The following PLEKHA6 variants were observed in gnomAD, a reference collection of about 807,000 sequenced individuals.
PLEKHA6 encodes pleckstrin homology domain-containing family A member 6.
A neutral mutation model predicts 116.7 loss-of-function variants in PLEKHA6; 60 were observed. The observed-to-expected ratio is 0.51, with a 90% confidence interval of 0.42 to 0.64. PLEKHA6 has a LOEUF of 0.64. PLEKHA6 is among the 30% of genes least tolerant of loss of function. The pLI, the probability that PLEKHA6 is intolerant of heterozygous loss-of-function variation, is 0.00. For synonymous variants in PLEKHA6, 489 were observed against 556.1 expected (o/e 0.88, Z 1.70); for missense variants, 1,338 against 1,422.7 (o/e 0.94, Z 0.96).
At chr1:204,329,547 A>G (rs1672372754) in intron 1 of PLEKHA6, among the ~76,000 whole-genome samples, 2 of 152,254 alleles carry the variant, frequency 1.3e-5, no homozygotes, top group African/African-American at 4.8e-5. Flanking sequence ...CACACAAAAA[A>G]AGAGACAACC....
intron 1 of PLEKHA6, among the ~76,000 whole-genome samples, chr1:204,358,388 C>T (rs1289001892): frequency 2.0e-5 from 3 of 152,196 alleles, no homozygotes; most frequent in African/African-American, 7.2e-5. Flanking sequence ...AGCTAAAATG[C>T]AGCTGCTCGG....
intron 1 of PLEKHA6, among the ~76,000 whole-genome samples, chr1:204,292,081 T>C (rs112317996): frequency 0.014 from 2,057 of 152,316 alleles, 52 homozygotes; most frequent in African/African-American, 0.048. Context: ...CAGGCAGAGA[T>C]GAACATGTGT....
chr1:204,239,800 T>C (rs1662548513), intron 17 of PLEKHA6, among the ~76,000 whole-genome samples: 1 of 152,148 alleles, frequency 6.6e-6, no homozygotes, highest in African/African-American at 2.4e-5. Context: ...GCATCCAATA[T>C]ATGGTACTTT....
At chr1:204,359,134 A>C (rs1673497190) in intron 1 of PLEKHA6, among the ~76,000 whole-genome samples, 1 of 151,822 alleles carries the variant, frequency 6.6e-6, no homozygotes, top group Non-Finnish European at 1.5e-5. Flanking sequence ...CTCCCCACTA[A>C]ATCTGAGACC....
At chr1:204,248,235 G>A (rs775016117) in intron 12 of PLEKHA6, among the ~76,000 whole-genome samples, 5 of 139,546 alleles carry the variant, frequency 3.6e-5, no homozygotes, top group East Asian at 4.5e-4. Context: ...CTCGGCTCAC[G>A]GCAACCTCCG....
At chr1:204,330,490 TA>T (rs1017315800) in intron 1 of PLEKHA6, among the ~76,000 whole-genome samples, 16 of 152,192 alleles carry the variant, frequency 1.1e-4, no homozygotes, top group Non-Finnish European at 1.5e-4. Flanking sequence ...GATTCTCTAA[TA>T]AAAAGCTTTA....
At chr1:204,280,990 A>T in intron 1 of PLEKHA6, 1 of 984,612 alleles carries the variant, frequency 1.0e-6, no homozygotes, top group Non-Finnish European at 1.2e-6. Flanking sequence ...CCCTGGCAGC[A>T]CTTCTAGGTA....
At position 204,249,369 on chromosome 1, in the gene PLEKHA6, C is replaced by T. The variant is rs187724569; in HGVS notation, c.1594-105G>A. The T allele has an allele frequency of 3.1e-4, 256 of 817,220 alleles. No individual in the cohort carries two copies. In the African/African-American group the frequency reaches 3.8e-3, roughly 12 times the overall value. The allele number at this position is 817,220 out of a possible 1,614,324, so 50.6% of individuals were successfully genotyped here. ...AGGCCTGGCCTCTGGATACCCCCCTCCTTTCTCCTGCTGAGGAACCCTGGG... is the reference window on the plus strand; with the variant it reads ...AGGCCTGGCCTCTGGATACCCCCCTTCTTTCTCCTGCTGAGGAACCCTGGG... On this transcript the variant is annotated intron_variant, in intron 10 of 22. Coordinates refer to ENST00000272203, the MANE Select transcript of PLEKHA6 (RefSeq NM_014935.5).
chr1:204,227,644 C>T (rs1289489099), intron 21 of PLEKHA6, among the ~76,000 whole-genome samples: 2 of 152,180 alleles, frequency 1.3e-5, no homozygotes, highest in African/African-American at 4.8e-5. Context: ...CTTTTCTTGG[C>T]TTCTTCCTAT....
chr1:204,243,756 T>A (rs1663194721), intron 15 of PLEKHA6, among the ~76,000 whole-genome samples: 1 of 152,232 alleles, frequency 6.6e-6, no homozygotes, highest in South Asian at 2.1e-4. Context: ...CATAGGATGC[T>A]GGGCTCCCTG....
At chr1:204,241,233 C>A in intron 17 of PLEKHA6, 142 bp downstream of exon 17, 2 of 611,428 alleles carry the variant, frequency 3.3e-6, no homozygotes, top group Admixed American at 5.6e-5. Flanking sequence ...TCCAGTGGGG[C>A]TCTTGCCCCT....
In PLEKHA6 at chr1:204,223,219, C is replaced by A. The variant is rs1048116241; in HGVS notation, c.*8+243G>T. Among the ~76,000 whole-genome samples the A allele has an allele frequency of 4.6e-5, 7 of 152,102 alleles. No homozygotes were observed. Among genetic ancestry groups the A allele is most frequent in the Admixed American group, 2.0e-4 (3 of 15,272 alleles). On this transcript the variant is annotated intron_variant, in intron 22 of 22. Coordinates refer to ENST00000272203, the MANE Select transcript of PLEKHA6 (RefSeq NM_014935.5). This position sits in a 1 kb window ranked among gnomAD's most constrained non-coding sequence, Gnocchi z 4.8. ...CATTCCCTGCCTGCTTCTGGAGAAGCAAAGGCCATTGGCATCACAACATCC... is the reference window on the plus strand; with the variant it reads ...CATTCCCTGCCTGCTTCTGGAGAAGAAAAGGCCATTGGCATCACAACATCC...
intron 1 of PLEKHA6, among the ~76,000 whole-genome samples, chr1:204,341,382 A>AC (rs748150118): frequency 7.1e-4 from 108 of 152,176 alleles, no homozygotes; most frequent in Non-Finnish European, 1.1e-3. Context: ...TCTTTAAAGC[A>AC]CCCCCCAGAG....
rs906291341 is a variant in PLEKHA6 at position 204,346,368 on chromosome 1, C to A, written c.-95+13326G>T. Among the ~76,000 whole-genome samples the A allele has an allele frequency of 2.0e-5, 3 of 151,736 alleles. No homozygotes were observed. The South Asian group carries it at 6.3e-4, about 32-fold the overall frequency. ...CTCACTCTCACCCCCCTAGAGGAGG[C>A]AGCATCTACCACCTGCCTCTTCCAG... On this transcript the variant is annotated intron_variant, in intron 1 of 22. Coordinates refer to ENST00000272203, the MANE Select transcript of PLEKHA6 (RefSeq NM_014935.5).
intron 1 of PLEKHA6, among the ~76,000 whole-genome samples, chr1:204,283,434 G>A (rs942544994): frequency 3.9e-5 from 6 of 152,196 alleles, no homozygotes; most frequent in African/African-American, 1.2e-4. Flanking sequence ...AGGAAGAAAG[G>A]TTATGATGCT....
chr1:204,255,754 AAAG>A (rs1426498615), intron 9 of PLEKHA6: 1 of 697,170 alleles, frequency 1.4e-6, no homozygotes, highest in Non-Finnish European at 2.6e-6. Flanking sequence ...AACAATAAAA[AAAG>A]AAGCAAAGCA....
intron 17 of PLEKHA6, among the ~76,000 whole-genome samples, chr1:204,235,759 C>G (rs529496881): frequency 6.6e-6 from 1 of 152,150 alleles, no homozygotes; most frequent in Non-Finnish European, 1.5e-5. Flanking sequence ...CTCTTATGAA[C>G]CTTTTTTTGC....
Position 204,327,056 on chromosome 1 carries a change from T to C in PLEKHA6, c.-95+32638A>G, listed in dbSNP as rs117182333. On this transcript the variant is annotated intron_variant, in intron 1 of 22. Coordinates refer to ENST00000272203, the MANE Select transcript of PLEKHA6 (RefSeq NM_014935.5). ...TCAGCCTCTCCCCAGTCTCTCTCCATCCCCTCCTCCTCCTCCTGGGATAGA... is the reference window on the plus strand; with the variant it reads ...TCAGCCTCTCCCCAGTCTCTCTCCACCCCCTCCTCCTCCTCCTGGGATAGA... 8.6e-5 allele frequency: 83 copies of C among 962,180 alleles called. 2 individuals are homozygous for C. The East Asian group carries it at 8.1e-3, about 93-fold the overall frequency. 59.6% of individuals were successfully genotyped at this position (962,180 alleles called of 1,614,324 possible).
intron 3 of PLEKHA6, among the ~76,000 whole-genome samples, chr1:204,366,911 A>G (rs1173940557): frequency 6.6e-6 from 1 of 152,214 alleles, no homozygotes; most frequent in Admixed American, 6.5e-5. Flanking sequence ...GAGGGACGGA[A>G]AGGGGATGAG....
Sources: allele counts gnomAD v4.1 joint callset (sites outside exome capture counted in the v4.1 genomes callset), GRCh38; gene constraint gnomAD v4.1.1; non-coding constraint Gnocchi (gnomAD v3.1); transcripts MANE v1.5; gene names NCBI Gene and HGNC (gene_info 2026-07-23, HGNC 2026-07-21).